CCDC102B: variants seen among roughly 807,000 people sequenced by gnomAD.
The protein encoded by CCDC102B is coiled-coil domain-containing protein 102B.
A neutral mutation model predicts 57.4 loss-of-function variants in CCDC102B; 75 were observed. The ratio of observed to expected loss-of-function variants is 1.31; its 90% CI spans 1.08 to 1.58. CCDC102B has a LOEUF of 1.58. CCDC102B is among the 40% of genes most tolerant of loss of function. CCDC102B has a pLI of 0.00. For missense variants in CCDC102B, 636 were observed against 582.6 expected (o/e 1.09, Z -0.94); for synonymous variants, 206 against 201.9 (o/e 1.02, Z -0.17).
chr18:68,974,934 T>C (rs1210962213), intron 6 of CCDC102B, among the ~76,000 whole-genome samples: 2 of 151,970 alleles, frequency 1.3e-5, no homozygotes, highest in African/African-American at 2.4e-5. Flanking sequence ...TACATAGGCT[T>C]TTTTAAATAT....
chr18:68,849,578 A>G (rs1211676085), intron 4 of CCDC102B, among the ~76,000 whole-genome samples: 1 of 152,084 alleles, frequency 6.6e-6, no homozygotes. Context: ...AAGCAGCATG[A>G]TATTTCTAAG....
At chr18:68,924,403 C>T (rs1051048104) in intron 6 of CCDC102B, among the ~76,000 whole-genome samples, 2 of 152,024 alleles carry the variant, frequency 1.3e-5, no homozygotes, top group African/African-American at 4.8e-5. Flanking sequence ...CTTCTTCCTG[C>T]CACCTTGTGA....
chr18:68,889,382 T>C (rs1347543351), intron 5 of CCDC102B, among the ~76,000 whole-genome samples: 1 of 152,146 alleles, frequency 6.6e-6, no homozygotes, highest in Non-Finnish European at 1.5e-5. Flanking sequence ...ATCTTGGACT[T>C]CCTAGCCTCC....
intron 7 of CCDC102B, 173 bp downstream of exon 7, chr18:69,011,277 G>A (rs1387923896): frequency 7.7e-6 from 5 of 649,724 alleles, no homozygotes; most frequent in Non-Finnish European, 1.3e-5. Context: ...CAGACAATGT[G>A]CACATGTTTG....
At chr18:68,973,164 G>A (rs2050344849) in intron 6 of CCDC102B, among the ~76,000 whole-genome samples, 1 of 151,996 alleles carries the variant, frequency 6.6e-6, no homozygotes, top group Non-Finnish European at 1.5e-5. Flanking sequence ...GAATATCTTG[G>A]TACTTTAAAT....
At chr18:68,849,558 G>A (rs1027715266) in intron 4 of CCDC102B, among the ~76,000 whole-genome samples, 7 of 151,872 alleles carry the variant, frequency 4.6e-5, no homozygotes, top group Non-Finnish European at 1.0e-4. Context: ...TAAATTCATT[G>A]TACACCACCA....
intron 1 of CCDC102B, among the ~76,000 whole-genome samples, chr18:68,826,532 G>A (rs377038360): frequency 2.6e-5 from 4 of 152,190 alleles, no homozygotes; most frequent in Non-Finnish European, 1.5e-5. Context: ...CATATTATAC[G>A]TTAGAAGCAG....
intron 5 of CCDC102B, among the ~76,000 whole-genome samples, chr18:68,882,478 A>G (rs955454069): frequency 2.6e-5 from 4 of 152,186 alleles, no homozygotes; most frequent in Non-Finnish European, 4.4e-5. Flanking sequence ...TTCCTACACA[A>G]TCCATTGATT....
intron 2 of CCDC102B, among the ~76,000 whole-genome samples, chr18:68,720,868 T>C (rs1376627458): frequency 6.6e-6 from 1 of 152,086 alleles, no homozygotes; most frequent in Non-Finnish European, 1.5e-5. Context: ...GGTCAGGAGT[T>C]CGAGATCAGC....
intron 2 of CCDC102B, among the ~76,000 whole-genome samples, chr18:68,783,380 A>T (rs2035072513): frequency 6.6e-6 from 1 of 152,138 alleles, no homozygotes; most frequent in Non-Finnish European, 1.5e-5. Flanking sequence ...TGCTCATGCT[A>T]GGAAGCCTCC....
intron 1 of CCDC102B, among the ~76,000 whole-genome samples, chr18:68,812,788 C>T (rs540530794): frequency 1.3e-4 from 20 of 152,262 alleles, no homozygotes; most frequent in African/African-American, 4.6e-4. Flanking sequence ...AACATTCCTT[C>T]TGAAGAATTA....
intron 2 of CCDC102B, among the ~76,000 whole-genome samples, chr18:68,735,970 A>G (rs1366145115): frequency 6.6e-6 from 1 of 152,218 alleles, no homozygotes; most frequent in Non-Finnish European, 1.5e-5. Flanking sequence ...GCTTGTCAGC[A>G]GCATTCTTTG....
chr18:68,883,490 G>A (rs1455545368), intron 5 of CCDC102B, among the ~76,000 whole-genome samples: 2 of 151,902 alleles, frequency 1.3e-5, no homozygotes, highest in Middle Eastern at 3.2e-3. Context: ...AAAATAGGAG[G>A]GTTGGTTAAA....
chr18:68,728,021 G>T (rs1357322130), intron 2 of CCDC102B, among the ~76,000 whole-genome samples: 1 of 152,100 alleles, frequency 6.6e-6, no homozygotes, highest in Non-Finnish European at 1.5e-5. Flanking sequence ...GTTCATCAAA[G>T]AACTTCTAGT....
intron 7 of CCDC102B, among the ~76,000 whole-genome samples, chr18:69,018,468 C>A (rs2051733635): frequency 6.6e-6 from 1 of 152,126 alleles, no homozygotes; most frequent in African/African-American, 2.4e-5. Flanking sequence ...TAATAGCCAT[C>A]TTGAAAAGTG....
intron 6 of CCDC102B, among the ~76,000 whole-genome samples, chr18:68,966,071 G>T (rs1019307237): frequency 6.6e-6 from 1 of 152,126 alleles, no homozygotes; most frequent in African/African-American, 2.4e-5. Context: ...TGGTCTCCAC[G>T]AACACTGTGG....
chr18:68,910,326 C>A (rs941960221), intron 6 of CCDC102B, among the ~76,000 whole-genome samples: 6 of 151,980 alleles, frequency 3.9e-5, no homozygotes, highest in African/African-American at 1.5e-4. Context: ...GATAGATCAA[C>A]AAAAATCAAT....
chr18:68,896,202 T>C (rs2040235921), intron 5 of CCDC102B, among the ~76,000 whole-genome samples: 1 of 152,012 alleles, frequency 6.6e-6, no homozygotes, highest in Non-Finnish European at 1.5e-5. Flanking sequence ...AGAAAAATTA[T>C]AGCAGACGAA....
intron 2 of CCDC102B, among the ~76,000 whole-genome samples, chr18:68,743,160 C>T (rs912661425): frequency 6.6e-6 from 1 of 151,678 alleles, no homozygotes; most frequent in African/African-American, 2.4e-5. Context: ...GAGGTCAGGA[C>T]TTTGAGACCA....
Sources: allele counts gnomAD v4.1 joint callset (sites outside exome capture counted in the v4.1 genomes callset), GRCh38; gene constraint gnomAD v4.1.1; transcripts MANE v1.5; gene names NCBI Gene and HGNC (gene_info 2026-07-23, HGNC 2026-07-21).